Variants in NCOA2 observed in about 807,000 individuals in gnomAD.
The protein encoded by NCOA2 is nuclear receptor coactivator 2.
In NCOA2, 21 loss-of-function variants were observed where a neutral mutation model predicts 145.1. The ratio of observed to expected loss-of-function variants is 0.14; its 90% confidence interval spans 0.10 to 0.21. The LOEUF (loss-of-function observed/expected upper bound fraction) is 0.21. Ranked by LOEUF, NCOA2 falls within the 10% of genes least tolerant of loss-of-function variation. NCOA2 has a pLI of 1.00. For synonymous variants in NCOA2, 619 were observed against 637.5 expected, an observed-to-expected ratio of 0.97 and a Z score of 0.44; for missense variants, 1,472 against 1,837.6, an observed-to-expected ratio of 0.80 and a Z score of 3.64.
intron 2 of NCOA2, among the ~76,000 whole-genome samples, chr8:70,240,705 G>A (rs1822053995): frequency 6.6e-6 from 1 of 152,098 alleles, no homozygotes; most frequent in African/African-American, 2.4e-5. Context: ...ACAATATTAT[G>A]TAACTTACAT....
rs375387776 is a variant in NCOA2, at chr8:70,128,710, C to A, written c.3595G>T (p.Ala1199Ser). 4.2e-5 allele frequency: 68 copies of A among 1,613,368 alleles called. No homozygotes were observed. In the African/African-American group the frequency reaches 7.1e-4, roughly 17 times the overall value. ...GCCATCGAAGAACAGACCTGCTGTG[C>A]TTGGAGGCGATGCTGAAGTTGAAGT... Reference protein sequence around the residue: ...LRLQLQHRLQAQQNRQPLMNQ... With the variant: ...LRLQLQHRLQSQQNRQPLMNQ... The change falls in exon 17 of 23, where the codon GCA becomes TCA. Residue 1199 changes from alanine (A) to serine (S), a missense_variant. Physicochemically the swap from Ala to Ser is moderately conservative, Grantham distance 99. Transcript: ENST00000452400.
intron 2 of NCOA2, among the ~76,000 whole-genome samples, chr8:70,282,247 AGATT>A (rs1275598856): frequency 2.0e-5 from 3 of 152,346 alleles, no homozygotes; most frequent in East Asian, 3.9e-4. Flanking sequence ...AGATGTATAC[AGATT>A]GATTATAAAG....
intron 1 of NCOA2, among the ~76,000 whole-genome samples, chr8:70,374,059 T>TG (rs578084795): frequency 7.9e-5 from 12 of 152,216 alleles, no homozygotes; most frequent in Non-Finnish European, 1.5e-4. Flanking sequence ...CACTGCTGAA[T>TG]GGGGGAAAAA....
the NCOA2 span, among the ~76,000 whole-genome samples, chr8:70,452,941 AAGAGAT>A: frequency 6.6e-6 from 1 of 152,178 alleles, no homozygotes; most frequent in Non-Finnish European, 1.5e-5. Context: ...CTAGTTCTTT[AAGAGAT>A]AGAAAATTAG....
chr8:70,138,063 C>A, intron 15 of NCOA2, 140 bp downstream of exon 15: 1 of 822,822 alleles, frequency 1.2e-6, no homozygotes, highest in Non-Finnish European at 1.8e-6. Context: ...TCTGGATTCA[C>A]CCCTCCTCTT....
chr8:70,374,707 T>C (rs1811511652), intron 1 of NCOA2, among the ~76,000 whole-genome samples: 1 of 149,946 alleles, frequency 6.7e-6, no homozygotes, highest in Non-Finnish European at 1.5e-5. Flanking sequence ...GAGGCTGAGG[T>C]GGGAAGATCG....
At chr8:70,347,406 A>G (rs1808772894) in intron 1 of NCOA2, among the ~76,000 whole-genome samples, 1 of 151,694 alleles carries the variant, frequency 6.6e-6, no homozygotes, top group Admixed American at 6.6e-5. Context: ...ACTCACTTGA[A>G]CCCAGGGGGC....
chr8:70,139,833 A>T (rs1486529257), intron 14 of NCOA2, among the ~76,000 whole-genome samples: 2 of 151,742 alleles, frequency 1.3e-5, no homozygotes, highest in African/African-American at 4.8e-5. Context: ...TTGTATTTTT[A>T]GCAGAGACCG....
intron 2 of NCOA2, among the ~76,000 whole-genome samples, chr8:70,246,834 C>A (rs750000023): frequency 6.6e-6 from 1 of 151,506 alleles, no homozygotes; most frequent in African/African-American, 2.4e-5. Flanking sequence ...TGTGTAGATA[C>A]TTCATGGATT....
intron 2 of NCOA2, among the ~76,000 whole-genome samples, chr8:70,234,857 G>C (rs1043432918): frequency 6.6e-6 from 1 of 152,120 alleles, no homozygotes; most frequent in Non-Finnish European, 1.5e-5. Context: ...ACCATTTATG[G>C]ATCCTCCAGA....
intron 2 of NCOA2, among the ~76,000 whole-genome samples, chr8:70,260,386 G>A (rs189623544): frequency 6.6e-6 from 1 of 152,104 alleles, no homozygotes; most frequent in African/African-American, 2.4e-5. Context: ...ACCCGCCTCA[G>A]CCTCCCAAAG....
chr8:70,410,301 C>T, the NCOA2 span, among the ~76,000 whole-genome samples: 1 of 152,072 alleles, frequency 6.6e-6, no homozygotes, highest in African/African-American at 2.4e-5. Flanking sequence ...TGTACAAACA[C>T]CTTGGAAAAC....
At chr8:70,174,974 AC>A in intron 4 of NCOA2, 115 bp from the exon 5 acceptor site, 1 of 912,136 alleles carries the variant, frequency 1.1e-6, no homozygotes, top group Non-Finnish European at 1.7e-6. Flanking sequence ...AGATGCAGCT[AC>A]AAAAGAGTTA....
At chr8:70,286,622 C>T (rs1410990808) in intron 2 of NCOA2, among the ~76,000 whole-genome samples, 7 of 152,126 alleles carry the variant, frequency 4.6e-5, no homozygotes, top group African/African-American at 1.7e-4. Context: ...TTAGAAATTG[C>T]TTTAAAAGAC....
intron 18 of NCOA2, among the ~76,000 whole-genome samples, 181 bp from the exon 19 acceptor site, chr8:70,127,228 A>G (rs1223672701): frequency 1.3e-5 from 2 of 152,274 alleles, no homozygotes; most frequent in Non-Finnish European, 2.9e-5. Context: ...TGAGCTTCTA[A>G]GTTCTAAAGA....
chr8:70,152,818 CTCAG>C (rs1310734197), intron 11 of NCOA2, among the ~76,000 whole-genome samples: 1 of 152,202 alleles, frequency 6.6e-6, no homozygotes, highest in Non-Finnish European at 1.5e-5. Context: ...TAAACACACA[CTCAG>C]TCAATGGCTC....
At chr8:70,277,598 G>T (rs1825559625) in intron 2 of NCOA2, among the ~76,000 whole-genome samples, 1 of 152,054 alleles carries the variant, frequency 6.6e-6, no homozygotes, top group African/African-American at 2.4e-5. Context: ...TTAAGGGCCA[G>T]ACAGTTGAGT....
At chr8:70,307,850 G>T (rs1278609334) in intron 1 of NCOA2, among the ~76,000 whole-genome samples, 1 of 152,066 alleles carries the variant, frequency 6.6e-6, no homozygotes, top group Admixed American at 6.5e-5. Flanking sequence ...TGGTAGTTTT[G>T]TTTATATTTA....
chr8:70,310,505 G>C (rs1285686461), intron 1 of NCOA2, among the ~76,000 whole-genome samples: 2 of 152,068 alleles, frequency 1.3e-5, no homozygotes, highest in Admixed American at 6.5e-5. Context: ...TAAAATGTTT[G>C]GGTTCTGATT....
Sources: gnomAD v4.1 joint callset for allele counts (sites outside exome capture counted in the v4.1 genomes callset) on GRCh38, gnomAD v4.1.1 for gene constraint, MANE v1.5 for transcripts, NCBI Gene and HGNC (gene_info 2026-07-23, HGNC 2026-07-21) for gene names.